The following GNL3L variants were observed in gnomAD, a reference collection of about 807,000 sequenced individuals.
The protein encoded by GNL3L is G protein nucleolar 3 like, also known as guanine nucleotide-binding protein-like 3-like protein.
Under a neutral mutation model 42.9 loss-of-function variants are expected in GNL3L, and 4 were observed. That is an observed-to-expected ratio of 0.09 (90% CI 0.05 to 0.21). GNL3L has a LOEUF of 0.21. Ranked by LOEUF, GNL3L falls within the 10% of genes least tolerant of loss-of-function variation. GNL3L has a pLI of 1.00. For missense variants in GNL3L, 412 were observed against 481.7 expected, an observed-to-expected ratio of 0.86 and a Z score of 1.36; for synonymous variants, 159 against 176.3, an observed-to-expected ratio of 0.90 and a Z score of 0.78.
chrX:54,583,653 T>G (rs770899711), intron 16 of GNL3L, among the ~76,000 whole-genome samples: 140 of 96,482 alleles, frequency 1.5e-3, no homozygotes, highest in Middle Eastern at 5.2e-3. Context: ...ATATAATAAT[T>G]TTTTTTTTGA....
downstream of GNL3L, among the ~76,000 whole-genome samples, chrX:54,626,288 G>A (rs757287599): frequency 2.0e-4 from 22 of 110,970 alleles, no homozygotes; most frequent in Admixed American, 1.7e-3. Context: ...AGTATTTATC[G>A]TTCTATGCCT....
At chrX:54,558,319 C>T (rs1237379856) in intron 14 of GNL3L, 117 bp from the exon 15 acceptor site, 1 of 505,278 alleles carries the variant, frequency 2.0e-6, no homozygotes. Flanking sequence ...AGCCTAGTTC[C>T]ACATGGCTCC....
At chrX:54,592,829 A>T (rs1001444806) in intron 16 of GNL3L, among the ~76,000 whole-genome samples, 7 of 110,378 alleles carry the variant, frequency 6.3e-5, no homozygotes, top group Non-Finnish European at 1.1e-4. Flanking sequence ...AAAAAAAAAC[A>T]AAAAGATGTT....
chrX:54,610,325 A>G (rs1926147687), intron 16 of GNL3L, among the ~76,000 whole-genome samples: 1 of 111,229 alleles, frequency 9.0e-6, no homozygotes, highest in Non-Finnish European at 1.9e-5. Flanking sequence ...CTCTTTAGCA[A>G]TTTGGATGCC....
chrX:54,628,545 G>C, the GNL3L span, among the ~76,000 whole-genome samples: 1 of 110,641 alleles, frequency 9.0e-6, no homozygotes, highest in Non-Finnish European at 1.9e-5. Context: ...TTAAATTATG[G>C]TCATTCTTCC....
intron 16 of GNL3L, among the ~76,000 whole-genome samples, chrX:54,587,673 GTTTTTT>G (rs1253394013): frequency 2.0e-5 from 2 of 99,368 alleles, no homozygotes; most frequent in Non-Finnish European, 2.0e-5. Flanking sequence ...GTAATAGGGT[GTTTTTT>G]TTTTTTTCTT....
intron 14 of GNL3L, among the ~76,000 whole-genome samples, chrX:54,555,208 T>A (rs1459797118): frequency 9.2e-6 from 1 of 108,952 alleles, no homozygotes; most frequent in Non-Finnish European, 1.9e-5. Context: ...GAGACAGGGT[T>A]TTGCTATGTT....
At chrX:54,593,909 C>T (rs953001876) in intron 16 of GNL3L, among the ~76,000 whole-genome samples, 1 of 111,209 alleles carries the variant, frequency 9.0e-6, no homozygotes, top group Non-Finnish European at 1.9e-5. Context: ...ATATAGTTTC[C>T]AAAATTCCCC....
At chrX:54,631,529 T>C in the GNL3L span, among the ~76,000 whole-genome samples, 1 of 112,047 alleles carries the variant, frequency 8.9e-6, no homozygotes, top group Non-Finnish European at 1.9e-5. Context: ...TCCCTCTTTG[T>C]CTTTTTTAAC....
intron 1 of GNL3L, among the ~76,000 whole-genome samples, chrX:54,531,937 C>T (rs760316746): frequency 3.6e-5 from 4 of 110,167 alleles, no homozygotes; most frequent in Non-Finnish European, 7.6e-5. Context: ...TTTACCCCCT[C>T]CTCCAAGATT....
intron 16 of GNL3L, among the ~76,000 whole-genome samples, chrX:54,593,294 C>T (rs1015164662): frequency 9.0e-6 from 1 of 111,238 alleles, no homozygotes; most frequent in African/African-American, 3.3e-5. Context: ...ACAGCTTCTA[C>T]CTTGTTACTT....
intron 16 of GNL3L, among the ~76,000 whole-genome samples, chrX:54,590,798 A>C (rs1423789768): frequency 9.2e-6 from 1 of 108,954 alleles, no homozygotes; most frequent in African/African-American, 3.4e-5. Flanking sequence ...TCTTAGATTT[A>C]TTTATTTATT....
Position 54,532,508 on chromosome X carries a change from C to T in GNL3L, c.-47-12C>T. 9.9e-7 allele frequency: 1 copy of T among 1,006,825 alleles called. No individual in the cohort carries two copies. The allele number at this position is 1,006,825 out of a possible 1,213,427, so 83.0% of individuals were successfully genotyped here. On this transcript the variant is annotated splice_polypyrimidine_tract_variant and intron_variant, in intron 1 of 15. Transcript: ENST00000360845. ...AGCTGTCTTCAAATTGCTTCTTCTC[C>T]CATTCTGACAGGAAGAGAGCAAGCA...
intron 8 of GNL3L, among the ~76,000 whole-genome samples, chrX:54,547,041 G>T (rs1924795588): frequency 1.0e-5 from 1 of 97,009 alleles, no homozygotes; most frequent in Non-Finnish European, 2.0e-5. Context: ...CTATCTCCCA[G>T]GCTGGGGTGC....
At chrX:54,554,522 G>C in intron 13 of GNL3L, 43 bp from the exon 14 acceptor site, 2 of 1,192,868 alleles carry the variant, frequency 1.7e-6, no homozygotes, top group Non-Finnish European at 2.3e-6. Context: ...GCTGGCAACA[G>C]AGGGGAGCCA....
chrX:54,643,056 TA>T, the GNL3L span, among the ~76,000 whole-genome samples: 1 of 112,216 alleles, frequency 8.9e-6, no homozygotes, highest in Non-Finnish European at 1.9e-5. Context: ...TGCATAAAGA[TA>T]AATATGAATA....
intron 16 of GNL3L, among the ~76,000 whole-genome samples, chrX:54,612,088 T>G (rs776173967): frequency 2.0e-4 from 22 of 112,207 alleles, no homozygotes; most frequent in African/African-American, 7.1e-4. Flanking sequence ...AATTGTTTTA[T>G]AAATTTGGGG....
chrX:54,577,948 G>C (rs1400270311), intron 16 of GNL3L, among the ~76,000 whole-genome samples: 1 of 110,724 alleles, frequency 9.0e-6, no homozygotes, highest in African/African-American at 3.3e-5. Context: ...TTGCCATGTT[G>C]CCCAGGCTGG....
At chrX:54,599,449 G>C (rs114794014) in intron 16 of GNL3L, among the ~76,000 whole-genome samples, 2,313 of 111,399 alleles carry the variant, frequency 0.021, 57 homozygotes, top group African/African-American at 0.073. Context: ...TGAGAAATCT[G>C]TGTGCTATAA....
Sources: gnomAD v4.1 joint callset for allele counts (sites outside exome capture counted in the v4.1 genomes callset) on GRCh38, gnomAD v4.1.1 for gene constraint, MANE v1.5 for transcripts, NCBI Gene and HGNC (gene_info 2026-07-23, HGNC 2026-07-21) for gene names.